Variants in ZNF423 observed in about 807,000 individuals in gnomAD.
ZNF423 encodes zinc finger protein 423, also known as Ebf-associated zinc finger protein.
A neutral mutation model predicts 95.8 loss-of-function variants in ZNF423; 12 were observed. The ratio of observed to expected loss-of-function variants is 0.13; its 90% confidence interval spans 0.08 to 0.20. The LOEUF is 0.20. ZNF423 is among the 10% of genes least tolerant of loss of function. The probability of loss-of-function intolerance (pLI) is 1.00; values close to 1 mark genes in which losing one functional copy is unlikely to be tolerated. For missense variants in ZNF423, 1,316 were observed against 1,737.1 expected (o/e 0.76, Z 4.31); for synonymous variants, 749 against 711.9 (o/e 1.05, Z -0.83).
At chr16:49,596,193 A>G (rs1971173316) in intron 5 of ZNF423, among the ~76,000 whole-genome samples, 1 of 152,200 alleles carries the variant, frequency 6.6e-6, no homozygotes, top group African/African-American at 2.4e-5. Context: ...GTTCTTCTTC[A>G]TCTCGCACAA....
At position 49,617,701 on chromosome 16, in the gene ZNF423, C is replaced by T. The variant is rs138123927; in HGVS notation, c.3601+8469G>A. On this transcript the variant is annotated intron_variant, in intron 5 of 7. Coordinates refer to ENST00000563137, the MANE Select transcript of ZNF423 (RefSeq NM_001379286.1). ...ACTTCCTGTTACCTTTGGAGCCTTC[C>T]AGCTCCCACTTCTCTCCCTCCTCTC... Among the ~76,000 whole-genome samples, 392 of 152,194 alleles carry T rather than the reference C, an allele frequency of 2.6e-3. 2 individuals are homozygous for T. Among genetic ancestry groups the T allele is most frequent in the Middle Eastern group, 3.4e-3 (1 of 294 alleles).
At chr16:49,552,145 C>T (rs1280378251) in intron 5 of ZNF423, among the ~76,000 whole-genome samples, 4 of 152,240 alleles carry the variant, frequency 2.6e-5, no homozygotes, top group Admixed American at 6.5e-5. Flanking sequence ...ATAACCCTCA[C>T]TGTCCCACGT....
At chr16:49,563,876 C>T (rs1970096448) in intron 5 of ZNF423, among the ~76,000 whole-genome samples, 1 of 152,240 alleles carries the variant, frequency 6.6e-6, no homozygotes, top group Non-Finnish European at 1.5e-5. Flanking sequence ...CATGTCTGCT[C>T]AAGAGCCTCC....
upstream of ZNF423, among the ~76,000 whole-genome samples, chr16:49,859,031 G>A (rs183208346): frequency 1.3e-5 from 2 of 152,206 alleles, no homozygotes; most frequent in Non-Finnish European, 2.9e-5. Context: ...CAGGCTTTCT[G>A]GGGGGCTGGA....
rs1160943466 is a variant in ZNF423 at position 49,638,335 on chromosome 16, T to C, written c.841A>G (p.Ser281Gly). 1 of 1,613,990 alleles carries C rather than the reference T, an allele frequency of 6.2e-7. No homozygotes were observed. The highest frequency in any genetic ancestry group is 1.3e-5 in the African/African-American group (1 of 74,944). Residue 281 changes from serine (S) to glycine (G), a missense_variant, in exon 4 of 8, where the codon AGC becomes GGC. Transcript: ENST00000563137. This position sits in a 1 kb window ranked among gnomAD's most constrained non-coding sequence, Gnocchi z 5.6. ...FMCDYCEDTF[S>G]QTEELEKHVL... ...TGCTTCTCCAGCTCCTCCGTCTGGC[T>C]GAAGGTGTCCTCGCAGTAGTCGCAC...
intron 2 of ZNF423, among the ~76,000 whole-genome samples, chr16:49,788,277 G>T (rs369160901): frequency 6.6e-6 from 1 of 152,238 alleles, no homozygotes; most frequent in Non-Finnish European, 1.5e-5. Flanking sequence ...GAAAGGACAC[G>T]GAACCAGGGG....
At chr16:49,568,963 C>T (rs1357503248) in intron 5 of ZNF423, among the ~76,000 whole-genome samples, 1 of 152,092 alleles carries the variant, frequency 6.6e-6, no homozygotes, top group East Asian at 1.9e-4. Flanking sequence ...GAAATGACTC[C>T]ATCCCTCCTT....
chr16:49,497,720 CAGGAGCT>C (rs1967218646), intron 7 of ZNF423, among the ~76,000 whole-genome samples: 1 of 152,244 alleles, frequency 6.6e-6, no homozygotes. Context: ...TCACTTTCTC[CAGGAGCT>C]AGGGCCAAGC....
At chr16:49,564,494 G>A (rs1475179395) in intron 5 of ZNF423, among the ~76,000 whole-genome samples, 2 of 152,186 alleles carry the variant, frequency 1.3e-5, no homozygotes, top group Non-Finnish European at 2.9e-5. Flanking sequence ...CAACACAAGA[G>A]AAGACATCCC....
At chr16:49,565,463 T>C (rs1319418326) in intron 5 of ZNF423, among the ~76,000 whole-genome samples, 1 of 152,212 alleles carries the variant, frequency 6.6e-6, no homozygotes, top group Non-Finnish European at 1.5e-5. Context: ...CCCCTCTCAC[T>C]AGGGCTCTGC....
intron 5 of ZNF423, among the ~76,000 whole-genome samples, chr16:49,595,635 C>T (rs146966222): frequency 1.6e-4 from 24 of 152,328 alleles, no homozygotes; most frequent in African/African-American, 4.6e-4. Flanking sequence ...AAGAAATGAA[C>T]TCAAAAACCA....
At chr16:49,702,891 A>G (rs2032229780) in intron 3 of ZNF423, among the ~76,000 whole-genome samples, 1 of 147,056 alleles carries the variant, frequency 6.8e-6, no homozygotes, top group Non-Finnish European at 1.5e-5. Context: ...TGCCAAGCCA[A>G]CCTGCCTGTG....
chr16:49,841,593 G>C (rs1186146466), intron 1 of ZNF423, among the ~76,000 whole-genome samples: 1 of 152,126 alleles, frequency 6.6e-6, no homozygotes, highest in African/African-American at 2.4e-5. Context: ...AATGCTACCC[G>C]CTCTTCCAGG....
At chr16:49,746,707 G>A (rs2033531930) in intron 2 of ZNF423, among the ~76,000 whole-genome samples, 1 of 152,250 alleles carries the variant, frequency 6.6e-6, no homozygotes, top group African/African-American at 2.4e-5. Context: ...CCTGACCTCA[G>A]GTGAACCACC....
At chr16:49,630,863 G>A (rs1258284854) in intron 4 of ZNF423, among the ~76,000 whole-genome samples, 1 of 152,094 alleles carries the variant, frequency 6.6e-6, no homozygotes, top group Non-Finnish European at 1.5e-5. Flanking sequence ...GGGCTTCATA[G>A]GGTTCAGAGG....
At position 49,730,963 on chromosome 16, in the gene ZNF423, C is replaced by G. The variant is rs1306818875; in HGVS notation, c.109G>C (p.Glu37Gln). 2 of 1,614,236 alleles carry G rather than the reference C, an allele frequency of 1.2e-6. No individual in the cohort carries two copies. Among genetic ancestry groups the G allele is most frequent in the Non-Finnish European group, 1.7e-6 (2 of 1,180,042 alleles). The change falls in exon 3 of 8, where the codon GAA becomes CAA. Residue 37 changes from glutamate (E) to glutamine (Q), a missense_variant. Physicochemically the swap from Glu to Gln is conservative, Grantham distance 29. Coordinates refer to ENST00000563137, the MANE Select transcript of ZNF423 (RefSeq NM_001379286.1). ...DSSVTAAGGLEGEPECDQKTS... is the reference protein window; with the variant it reads ...DSSVTAAGGLQGEPECDQKTS... ...TTCTGATCGCACTCTGGCTCTCCTT[C>G]TAGGCCTCCTGCCAACAGGAAGAAT...
chr16:49,536,275 C>A (rs1256836563), intron 5 of ZNF423, among the ~76,000 whole-genome samples: 1 of 152,176 alleles, frequency 6.6e-6, no homozygotes, highest in African/African-American at 2.4e-5. Context: ...TCAAAGTCCA[C>A]CTTGACCTGG....
intron 2 of ZNF423, among the ~76,000 whole-genome samples, chr16:49,738,810 G>A (rs1456369317): frequency 6.6e-6 from 1 of 151,992 alleles, no homozygotes; most frequent in African/African-American, 2.4e-5. Flanking sequence ...AGATTTGGAT[G>A]GGAGACCATA....
chr16:49,592,745 T>G (rs972999976), intron 5 of ZNF423, among the ~76,000 whole-genome samples: 1 of 152,234 alleles, frequency 6.6e-6, no homozygotes, highest in African/African-American at 2.4e-5. Context: ...CAAAGGTGTG[T>G]GATGCCCCCA....
Sources: allele counts gnomAD v4.1 joint callset (sites outside exome capture counted in the v4.1 genomes callset), GRCh38; gene constraint gnomAD v4.1.1; non-coding constraint Gnocchi (gnomAD v3.1); transcripts MANE v1.5; gene names NCBI Gene and HGNC (gene_info 2026-07-23, HGNC 2026-07-21).